The following NTM variants were observed in gnomAD, a reference collection of about 807,000 sequenced individuals.
The protein encoded by NTM is neurotrimin.
Under a neutral mutation model 42.1 loss-of-function variants are expected in NTM, and 13 were observed. That is an observed-to-expected ratio of 0.31 (90% CI 0.20 to 0.49). The LOEUF (loss-of-function observed/expected upper bound fraction) is 0.49. NTM is among the 20% of genes least tolerant of loss of function. NTM has a pLI of 0.99. For synonymous variants in NTM, 187 were observed against 179.2 expected, an observed-to-expected ratio of 1.04 and a Z score of -0.35; for missense variants, 373 against 452.8, an observed-to-expected ratio of 0.82 and a Z score of 1.60.
chr11:131,813,822 G>C (rs958932266), intron 1 of NTM, among the ~76,000 whole-genome samples: 28 of 151,108 alleles, frequency 1.9e-4, no homozygotes, highest in African/African-American at 6.7e-4. Flanking sequence ...AGAGACCCGG[G>C]TTCTAACTTC....
intron 2 of NTM, among the ~76,000 whole-genome samples, chr11:131,967,858 C>A (rs571702589): frequency 2.6e-5 from 4 of 152,108 alleles, no homozygotes; most frequent in African/African-American, 9.7e-5. Flanking sequence ...GAGGAGCCTG[C>A]TTTTCTCATT....
intron 1 of NTM, among the ~76,000 whole-genome samples, chr11:131,716,953 G>A (rs780414825): frequency 6.6e-6 from 1 of 152,064 alleles, no homozygotes; most frequent in Non-Finnish European, 1.5e-5. Context: ...CAATCCTCCT[G>A]CCTCAGCCTC....
chr11:131,945,712 C>T (rs1193739391), intron 2 of NTM, among the ~76,000 whole-genome samples: 1 of 152,178 alleles, frequency 6.6e-6, no homozygotes. Flanking sequence ...GTGGGGTAGT[C>T]TCAGAACTGT....
At chr11:131,587,674 T>A (rs989826270) in intron 1 of NTM, among the ~76,000 whole-genome samples, 1 of 152,198 alleles carries the variant, frequency 6.6e-6, no homozygotes, top group Admixed American at 6.5e-5. Context: ...TCACCAGTCA[T>A]AACACACACC....
intron 1 of NTM, among the ~76,000 whole-genome samples, chr11:131,806,853 A>G (rs2092516626): frequency 6.6e-6 from 1 of 152,236 alleles, no homozygotes; most frequent in African/African-American, 2.4e-5. Flanking sequence ...TGAGCTATAC[A>G]GTCTCTGCTT....
chr11:132,306,271 CCTTGTTGTATCGGTT>C (rs2095077129), intron 4 of NTM: 1 of 152,152 alleles, frequency 6.6e-6, no homozygotes, highest in Non-Finnish European at 1.5e-5. Flanking sequence ...ACACATCATC[CCTTGTTGTATCGGTT>C]TTTTACAGCT....
intron 2 of NTM, among the ~76,000 whole-genome samples, chr11:131,960,999 T>C (rs1371560200): frequency 6.6e-6 from 1 of 152,122 alleles, no homozygotes; most frequent in African/African-American, 2.4e-5. Flanking sequence ...CTACTGGCCA[T>C]CACCTTTTTC....
intron 2 of NTM, among the ~76,000 whole-genome samples, chr11:132,030,913 A>G (rs2075830272): frequency 6.6e-6 from 1 of 152,210 alleles, no homozygotes; most frequent in African/African-American, 2.4e-5. Context: ...GTTCGCTGGG[A>G]GGACTATAGA....
intron 2 of NTM, among the ~76,000 whole-genome samples, chr11:131,987,756 GA>G (rs1565890364): frequency 6.6e-6 from 1 of 152,130 alleles, no homozygotes; most frequent in Non-Finnish European, 1.5e-5. Context: ...TGATGAGGCT[GA>G]AAAAAAGTCC....
intron 1 of NTM, among the ~76,000 whole-genome samples, chr11:131,375,460 G>A (rs780963202): frequency 3.9e-5 from 6 of 152,232 alleles, no homozygotes; most frequent in Non-Finnish European, 8.8e-5. Context: ...GTTTGGAAGG[G>A]TCAAAGGGTA....
At chr11:131,605,968 C>T (rs1201183731) in intron 1 of NTM, 1 of 851,096 alleles carries the variant, frequency 1.2e-6, no homozygotes, top group African/African-American at 1.8e-5. Flanking sequence ...CTATTCTTTT[C>T]TTTTTTCTTT....
chr11:131,955,784 C>A (rs2134422715), intron 2 of NTM, among the ~76,000 whole-genome samples: 1 of 151,924 alleles, frequency 6.6e-6, no homozygotes, highest in Non-Finnish European at 1.5e-5. Context: ...CTCATCACCA[C>A]TCTAGCCCAA....
intron 4 of NTM, among the ~76,000 whole-genome samples, chr11:132,235,812 G>T (rs545347278): frequency 3.3e-5 from 5 of 152,246 alleles, no homozygotes; most frequent in African/African-American, 1.2e-4. Context: ...TTCACCTCTG[G>T]CATATGCAGT....
chr11:131,616,278 A>G (rs1399886216), intron 1 of NTM, among the ~76,000 whole-genome samples: 2 of 152,204 alleles, frequency 1.3e-5, no homozygotes, highest in Admixed American at 1.3e-4. Flanking sequence ...TCCTCACCCA[A>G]GACAACCTGC....
chr11:132,008,797 A>G (rs1010388460), intron 2 of NTM, among the ~76,000 whole-genome samples: 1 of 148,924 alleles, frequency 6.7e-6, no homozygotes, highest in Non-Finnish European at 1.5e-5. Flanking sequence ...GATTTCAGCA[A>G]CTCAAAGAGC....
intron 1 of NTM, among the ~76,000 whole-genome samples, chr11:131,615,978 A>G (rs1352721808): frequency 6.6e-6 from 1 of 152,252 alleles, no homozygotes; most frequent in Non-Finnish European, 1.5e-5. Context: ...AGCAAGGCTA[A>G]GCGTGGCTGG....
Position 132,307,015 on chromosome 11 carries a change from G to A in NTM, c.527-674G>A, listed in dbSNP as rs150021143. Among the ~76,000 whole-genome samples, 113 of 152,222 alleles carry A rather than the reference G, an allele frequency of 7.4e-4. 3 individuals are homozygous for A. In the East Asian group the frequency reaches 0.019, roughly 26 times the overall value. On this transcript the variant is annotated intron_variant, in intron 4 of 8. Coordinates refer to ENST00000683400, the MANE Select transcript of NTM (RefSeq NM_001352005.2). ...GACTGAGTGGATTCGCAGCCACGTC[G>A]CCTGATGAATCTCTGACATGCTTAC...
chr11:131,855,011 G>A (rs558243498), intron 1 of NTM, among the ~76,000 whole-genome samples: 1 of 152,194 alleles, frequency 6.6e-6, no homozygotes, highest in Non-Finnish European at 1.5e-5. Context: ...ATGCGGATGT[G>A]TGGGACCGGT....
intron 2 of NTM, among the ~76,000 whole-genome samples, chr11:132,072,202 C>A (rs182728932): frequency 6.6e-6 from 1 of 152,144 alleles, no homozygotes; most frequent in Non-Finnish European, 1.5e-5. Context: ...TGGCTGCAAA[C>A]CCCCCAAGCA....
Sources: gnomAD v4.1 joint callset for allele counts (sites outside exome capture counted in the v4.1 genomes callset) on GRCh38, gnomAD v4.1.1 for gene constraint, MANE v1.5 for transcripts, NCBI Gene and HGNC (gene_info 2026-07-23, HGNC 2026-07-21) for gene names.